Variants in NLGN1 observed in about 807,000 individuals in gnomAD.
NLGN1 encodes neuroligin 1.
NLGN1 carries 12 observed loss-of-function variants against 65.5 expected under a neutral mutation model. The ratio of observed to expected loss-of-function variants is 0.18; its 90% CI spans 0.12 to 0.30. The LOEUF (loss-of-function observed/expected upper bound fraction) is 0.30. Among genes scored for constraint, NLGN1 ranks in the 10% least tolerant of loss-of-function variants. NLGN1 has a pLI of 1.00. For synonymous variants in NLGN1, 350 were observed against 359.5 expected (o/e 0.97, Z 0.30); for missense variants, 750 against 1,007.1 (o/e 0.74, Z 3.46).
chr3:173,621,284 T>A (rs932786087), intron 3 of NLGN1, among the ~76,000 whole-genome samples: 1 of 152,076 alleles, frequency 6.6e-6, no homozygotes, highest in Non-Finnish European at 1.5e-5. Context: ...AGAATAATAT[T>A]TGGAATTAAC....
At chr3:173,462,766 G>A (rs1467416422) in intron 2 of NLGN1, among the ~76,000 whole-genome samples, 1 of 152,018 alleles carries the variant, frequency 6.6e-6, no homozygotes, top group South Asian at 2.1e-4. Flanking sequence ...TTTGATAACT[G>A]TTTACATTTA....
intron 1 of NLGN1, among the ~76,000 whole-genome samples, chr3:173,400,376 T>G (rs968631319): frequency 6.6e-6 from 1 of 152,188 alleles, no homozygotes; most frequent in Non-Finnish European, 1.5e-5. Flanking sequence ...CAATTCATTC[T>G]TAAACCTCCT....
chr3:173,796,451 G>A (rs1435324906), intron 3 of NLGN1, among the ~76,000 whole-genome samples: 1 of 152,126 alleles, frequency 6.6e-6, no homozygotes, highest in African/African-American at 2.4e-5. Context: ...AATTAAATGA[G>A]TTCAAAGTTC....
In NLGN1 at chr3:174,199,804, A is replaced by G. The variant is rs116079799; in HGVS notation, c.647-75511A>G. Among the ~76,000 whole-genome samples the G allele has an allele frequency of 7.3e-3, 1,110 of 152,290 alleles. 13 individuals are homozygous for G. Among genetic ancestry groups the G allele is most frequent in the African/African-American group, 0.024 (993 of 41,554 alleles). On this transcript the variant is annotated intron_variant, in intron 4 of 6. Transcript: ENST00000457714. ...GCACAGTTCTACAAGATTTTCAAAC[A>G]TCTCATCTCAACCTTATATAAAAAG...
intron 4 of NLGN1, among the ~76,000 whole-genome samples, chr3:174,216,594 A>T (rs937974125): frequency 7.9e-5 from 12 of 152,108 alleles, no homozygotes; most frequent in African/African-American, 2.9e-4. Context: ...AAAATGCAGG[A>T]CAAGAGCAAG....
intron 4 of NLGN1, among the ~76,000 whole-genome samples, chr3:173,852,519 A>G (rs1453043307): frequency 1.3e-5 from 2 of 152,252 alleles, no homozygotes; most frequent in East Asian, 3.9e-4. Flanking sequence ...AAAAATTTCT[A>G]ATATTGAACT....
At chr3:173,635,139 A>C (rs917646784) in intron 3 of NLGN1, among the ~76,000 whole-genome samples, 5 of 152,150 alleles carry the variant, frequency 3.3e-5, no homozygotes, top group Non-Finnish European at 1.5e-5. Context: ...GAATGATAAC[A>C]AAATAGCTAC....
chr3:174,030,550 A>G (rs1168174672), intron 4 of NLGN1, among the ~76,000 whole-genome samples: 1 of 152,184 alleles, frequency 6.6e-6, no homozygotes, highest in African/African-American at 2.4e-5. Flanking sequence ...GTATGCTTTT[A>G]ATCATATTGT....
intron 4 of NLGN1, among the ~76,000 whole-genome samples, chr3:174,141,609 A>C (rs1722286393): frequency 6.6e-6 from 1 of 152,198 alleles, no homozygotes; most frequent in South Asian, 2.1e-4. Context: ...ATTTGTAATA[A>C]ATATCTGCTG....
intron 3 of NLGN1, among the ~76,000 whole-genome samples, chr3:173,748,282 A>G (rs538228198): frequency 5.3e-5 from 8 of 152,110 alleles, no homozygotes; most frequent in African/African-American, 1.4e-4. Context: ...CCTTAGATTT[A>G]CTCTTGCTGC....
chr3:174,230,167 A>T (rs1740437150), intron 4 of NLGN1, among the ~76,000 whole-genome samples: 1 of 152,186 alleles, frequency 6.6e-6, no homozygotes. Flanking sequence ...TAGGTGCCCC[A>T]TGAGACCTGA....
At chr3:173,967,329 T>C (rs1468900579) in intron 4 of NLGN1, among the ~76,000 whole-genome samples, 1 of 152,178 alleles carries the variant, frequency 6.6e-6, no homozygotes, top group Non-Finnish European at 1.5e-5. Flanking sequence ...CAAGTGACTG[T>C]GCTACGCAAA....
chr3:173,737,453 C>T (rs1773953974), intron 3 of NLGN1, among the ~76,000 whole-genome samples: 1 of 151,998 alleles, frequency 6.6e-6, no homozygotes, highest in Non-Finnish European at 1.5e-5. Context: ...CTCTAGACAA[C>T]CATTAATCTG....
chr3:174,127,006 A>G (rs998411033), intron 4 of NLGN1, among the ~76,000 whole-genome samples: 19 of 152,274 alleles, frequency 1.2e-4, no homozygotes, highest in African/African-American at 4.3e-4. Context: ...ATACACTTGC[A>G]CAGTAGGGTA....
At chr3:173,979,510 G>A (rs1269266116) in intron 4 of NLGN1, among the ~76,000 whole-genome samples, 1 of 152,060 alleles carries the variant, frequency 6.6e-6, no homozygotes, top group Non-Finnish European at 1.5e-5. Flanking sequence ...GAGAAAAGGT[G>A]TGAGGATAAG....
chr3:173,578,336 T>C (rs1745864541), intron 2 of NLGN1, among the ~76,000 whole-genome samples: 1 of 152,154 alleles, frequency 6.6e-6, no homozygotes, highest in South Asian at 2.1e-4. Context: ...TAGAAGATGC[T>C]CATTAAGTTG....
chr3:173,913,011 C>T (rs188303143), intron 4 of NLGN1, among the ~76,000 whole-genome samples: 12 of 152,148 alleles, frequency 7.9e-5, no homozygotes, highest in Admixed American at 3.3e-4. Flanking sequence ...CCAACAACAG[C>T]GACTAGAATG....
chr3:174,162,744 G>A (rs572975400), intron 4 of NLGN1, among the ~76,000 whole-genome samples: 2 of 150,934 alleles, frequency 1.3e-5, no homozygotes, highest in South Asian at 2.1e-4. Context: ...CTACCATCTT[G>A]TGAAATGTGA....
At chr3:174,119,874 A>G (rs897029557) in intron 4 of NLGN1, among the ~76,000 whole-genome samples, 1 of 152,214 alleles carries the variant, frequency 6.6e-6, no homozygotes, top group African/African-American at 2.4e-5. Flanking sequence ...GCAGTGACTT[A>G]TATTAAAGAC....
Sources: allele counts gnomAD v4.1 joint callset (sites outside exome capture counted in the v4.1 genomes callset), GRCh38; gene constraint gnomAD v4.1.1; transcripts MANE v1.5; gene names NCBI Gene and HGNC (gene_info 2026-07-23, HGNC 2026-07-21).